Variants in VPS13C observed in about 807,000 individuals in gnomAD.
VPS13C encodes the protein vacuolar protein sorting 13 homolog C, also known as intermembrane lipid transfer protein VPS13C.
VPS13C carries 358 observed loss-of-function variants against 456.8 expected under a neutral mutation model. The ratio of observed to expected loss-of-function variants is 0.78; its 90% CI spans 0.72 to 0.86. The LOEUF (loss-of-function observed/expected upper bound fraction) is 0.86. Among genes scored for constraint, VPS13C ranks in the 40% least tolerant of loss-of-function variants. VPS13C has a pLI of 0.00. For missense variants in VPS13C, 4,818 were observed against 4,385.4 expected, an observed-to-expected ratio of 1.10 and a Z score of -2.79; for synonymous variants, 1,578 against 1,486.7, an observed-to-expected ratio of 1.06 and a Z score of -1.41.
At chr15:61,893,574 C>T (rs1879820743) in intron 66 of VPS13C, among the ~76,000 whole-genome samples, 1 of 148,868 alleles carries the variant, frequency 6.7e-6, no homozygotes, top group African/African-American at 2.5e-5. Context: ...AGTACACAGA[C>T]AAATTGAGAA....
In VPS13C at chr15:61,983,850, C is replaced by A. The variant is rs1490498919; in HGVS notation, c.1884G>T (p.Gln628His). 2.2e-5 allele frequency: 35 copies of A among 1,614,020 alleles called. 1 individual carries two copies. The highest frequency in any genetic ancestry group is 2.9e-5 in the Non-Finnish European group (34 of 1,180,004). ...DSPADQTLIV[Q>H]SQPVEVIYDA... is the part of the protein sequence containing the mutation. Reference sequence around the variant, plus strand: ...CATAGATGACCTCCACAGGCTGGGACTGAACAATCAGAGTCTGGTCAGCAG... The same window carrying A: ...CATAGATGACCTCCACAGGCTGGGAATGAACAATCAGAGTCTGGTCAGCAG... Residue 628 changes from glutamine to histidine, a missense_variant, in exon 20 of 85, where the codon CAG (glutamine) becomes CAT (histidine). Physicochemically the swap from Gln to His is conservative, Grantham distance 24 (BLOSUM62 0). Coordinates refer to ENST00000644861, the MANE Select transcript of VPS13C (RefSeq NM_020821.3).
chr15:61,934,655 G>A (rs2044165641), intron 48 of VPS13C, among the ~76,000 whole-genome samples: 1 of 152,170 alleles, frequency 6.6e-6, no homozygotes, highest in East Asian at 1.9e-4. Flanking sequence ...TATGAAATTG[G>A]AGACTCAGAA....
intron 47 of VPS13C, 37 bp downstream of exon 47, chr15:61,940,610 T>C (rs199916555): frequency 1.3e-6 from 2 of 1,581,792 alleles, no homozygotes; most frequent in East Asian, 4.5e-5. Context: ...GAAAAGCCTA[T>C]CAAGAAATTT....
intron 64 of VPS13C, 31 bp downstream of exon 64, chr15:61,910,146 A>C (rs1210953769): frequency 8.5e-7 from 1 of 1,176,558 alleles, no homozygotes; most frequent in African/African-American, 1.6e-5. Context: ...AATAAATAAA[A>C]ATAAAAATAA....
At chr15:62,024,167 C>T (rs563608465) in intron 6 of VPS13C, among the ~76,000 whole-genome samples, 1 of 152,042 alleles carries the variant, frequency 6.6e-6, no homozygotes, top group South Asian at 2.1e-4. Flanking sequence ...ACTTTAATTT[C>T]AATATTACCA....
intron 6 of VPS13C, among the ~76,000 whole-genome samples, chr15:62,024,432 A>G (rs2047565102): frequency 6.6e-6 from 1 of 152,030 alleles, no homozygotes; most frequent in African/African-American, 2.4e-5. Context: ...ATTCTCTTTC[A>G]ACACTGCCTC....
chr15:62,035,414 A>G (rs998072045), intron 3 of VPS13C, among the ~76,000 whole-genome samples: 9 of 152,028 alleles, frequency 5.9e-5, no homozygotes, highest in African/African-American at 1.9e-4. Flanking sequence ...TGAGTTAAGC[A>G]GTGACCAGAT....
At chr15:61,873,199 CT>C (rs768535627) in intron 78 of VPS13C, 46 bp downstream of exon 78, 16 of 1,607,830 alleles carry the variant, frequency 1.0e-5, no homozygotes, top group South Asian at 4.4e-5. Flanking sequence ...CTAGAATACA[CT>C]TTTTTTTAAG....
rs148208769 is a variant in VPS13C at position 61,910,776 on chromosome 15, T to C, written c.8716-471A>G. Among the ~76,000 whole-genome samples, 885 of 152,256 alleles carry C rather than the reference T, an allele frequency of 5.8e-3. 7 individuals are homozygous for C. Among genetic ancestry groups the C allele is most frequent in the African/African-American group, 0.02 (847 of 41,552 alleles). On this transcript the variant is annotated intron_variant, in intron 63 of 84. Coordinates refer to ENST00000644861, the MANE Select transcript of VPS13C (RefSeq NM_020821.3). ...GGAAGTTCTGACACCATCCTCCTAG[T>C]TGTTTGATATCAGACCATATACTTA...
Position 61,959,515 on chromosome 15 carries a change from T to C in VPS13C, c.3989A>G (p.Asn1330Ser), listed in dbSNP as rs1416800927. Reference protein sequence around the residue: ...PINLEFLVNRNLAASWYHKVP... With the variant: ...PINLEFLVNRSLAASWYHKVP... ...CTTGTGGTACCAAGATGCAGCTAGATTCCGATTTACAAGAAATTCCAAGTT... is the reference window on the plus strand; with the variant it reads ...CTTGTGGTACCAAGATGCAGCTAGACTCCGATTTACAAGAAATTCCAAGTT... Residue 1330 changes from asparagine to serine, a missense_variant, in exon 36 of 85, where the codon AAT becomes AGT. Transcript: ENST00000644861. The C allele has an allele frequency of 6.2e-7, 1 of 1,613,078 alleles. No homozygotes were observed. The highest frequency in any genetic ancestry group is 8.5e-7 in the Non-Finnish European group (1 of 1,179,418).
chr15:61,917,681 TA>T (rs768952497), intron 59 of VPS13C, 46 bp from the exon 60 acceptor site: 29 of 1,559,924 alleles, frequency 1.9e-5, no homozygotes, highest in Admixed American at 5.7e-5. Context: ...ATCCACAACT[TA>T]AAAAAAAGCA....
chr15:62,060,063 G>T (rs2048946323), intron 1 of VPS13C, among the ~76,000 whole-genome samples: 1 of 152,174 alleles, frequency 6.6e-6, no homozygotes, highest in Admixed American at 6.5e-5. Flanking sequence ...TTGGCAGCGC[G>T]GGCGGGATCC....
chr15:61,938,568 G>C (rs190741959), intron 47 of VPS13C, among the ~76,000 whole-genome samples: 1 of 152,172 alleles, frequency 6.6e-6, no homozygotes, highest in Admixed American at 6.5e-5. Context: ...GCATTCCTGA[G>C]TTAATAAGGA....
intron 66 of VPS13C, 41 bp from the exon 67 acceptor site, chr15:61,890,441 C>T (rs1566972332): frequency 2.6e-6 from 4 of 1,530,724 alleles, no homozygotes; most frequent in Non-Finnish European, 3.6e-6. Context: ...CACATAGTAA[C>T]TTGTTATTAT....
intron 73 of VPS13C, among the ~76,000 whole-genome samples, chr15:61,880,150 G>C (rs1895739103): frequency 1.3e-5 from 2 of 152,034 alleles, no homozygotes; most frequent in South Asian, 4.1e-4. Context: ...TCAGGCAAGT[G>C]AAAGGTATCC....
At chr15:61,962,989 CAAT>C (rs2045261864) in intron 32 of VPS13C, 137 bp from the exon 33 acceptor site, 2 of 532,346 alleles carry the variant, frequency 3.8e-6, no homozygotes, top group Non-Finnish European at 6.3e-6. Flanking sequence ...AAATAAGTTG[CAAT>C]ATTAGAGTTT....
intron 19 of VPS13C, among the ~76,000 whole-genome samples, chr15:61,984,629 C>G (rs555205477): frequency 6.6e-6 from 1 of 152,240 alleles, no homozygotes; most frequent in East Asian, 1.9e-4. Flanking sequence ...AAATTAAATA[C>G]TATCCAATAA....
At chr15:61,967,281 G>A in intron 29 of VPS13C, 87 bp downstream of exon 29, 2 of 1,096,802 alleles carry the variant, frequency 1.8e-6, no homozygotes, top group South Asian at 1.4e-5. Context: ...CACATCCAGA[G>A]CCATTAGTAA....
chr15:62,056,996 C>T (rs1246070860), intron 1 of VPS13C, among the ~76,000 whole-genome samples: 5 of 152,084 alleles, frequency 3.3e-5, no homozygotes, highest in Admixed American at 1.3e-4. Context: ...GCCAGACATT[C>T]GGGGCCACTA....
Sources: allele counts gnomAD v4.1 joint callset (sites outside exome capture counted in the v4.1 genomes callset), GRCh38; gene constraint gnomAD v4.1.1; transcripts MANE v1.5; gene names NCBI Gene and HGNC (gene_info 2026-07-23, HGNC 2026-07-21).